CHD7: variants seen among roughly 807,000 people sequenced by gnomAD.
CHD7 encodes ATP-dependent chromatin remodeler CHD7.
Under a neutral mutation model 307.3 loss-of-function variants are expected in CHD7, and 24 were observed. The ratio of observed to expected loss-of-function variants is 0.08; its 90% CI spans 0.06 to 0.11. The LOEUF (loss-of-function observed/expected upper bound fraction) is 0.11. Ranked by LOEUF, CHD7 falls within the 10% of genes least tolerant of loss-of-function variation. The pLI, the probability that CHD7 is intolerant of heterozygous loss-of-function variation, is 1.00. For synonymous variants in CHD7, 1,363 were observed against 1,349.9 expected, an observed-to-expected ratio of 1.01 and a Z score of -0.21; for missense variants, 3,106 against 3,727.1, an observed-to-expected ratio of 0.83 and a Z score of 4.34.
chr8:60,746,590 A>G (rs920679335), intron 2 of CHD7, among the ~76,000 whole-genome samples: 2 of 152,246 alleles, frequency 1.3e-5, no homozygotes, highest in African/African-American at 4.8e-5. Context: ...TGAAAATATC[A>G]CTTTCAGGTA....
At chr8:60,863,714 C>G (rs1043596568) in intron 37 of CHD7, 1 of 150,046 alleles carries the variant, frequency 6.7e-6, no homozygotes, top group Admixed American at 6.7e-5. Context: ...TATAATTTTT[C>G]TCCCATACAA....
intron 1 of CHD7, among the ~76,000 whole-genome samples, chr8:60,683,677 C>T (rs1236763017): frequency 1.3e-5 from 2 of 152,230 alleles, no homozygotes; most frequent in Non-Finnish European, 2.9e-5. Flanking sequence ...CTGCCTCTGA[C>T]TGGCCACCCA....
Position 60,852,217 on chromosome 8 carries a change from G to T in CHD7, c.5864G>T (p.Arg1955Met). Residue 1955 changes from arginine to methionine, a missense_variant, in exon 29 of 38, where the codon AGG becomes ATG. Physicochemically the swap from Arg to Met is moderately conservative, Grantham distance 91. Coordinates refer to ENST00000423902, the MANE Select transcript of CHD7 (RefSeq NM_017780.4). ...GAAGTGAGAGCTCTGGAAGCGGAAA[G>T]GGAAGCTATTATATCTGAGAAGCGG... ...REEVRALEAEREAIISEKRQK... is the reference protein window; with the variant it reads ...REEVRALEAEMEAIISEKRQK... 6.2e-7 allele frequency: 1 copy of T among 1,613,544 alleles called. No homozygotes were observed. Among genetic ancestry groups the T allele is most frequent in the South Asian group, 1.1e-5 (1 of 91,036 alleles).
chr8:60,762,647 G>A (rs1810271298), intron 2 of CHD7, among the ~76,000 whole-genome samples: 1 of 152,154 alleles, frequency 6.6e-6, no homozygotes, highest in African/African-American at 2.4e-5. Context: ...TGCTATCGAT[G>A]CCACATTATT....
At chr8:60,696,483 G>T (rs1806475904) in intron 1 of CHD7, among the ~76,000 whole-genome samples, 1 of 152,198 alleles carries the variant, frequency 6.6e-6, no homozygotes, top group Non-Finnish European at 1.5e-5. Context: ...CTTCAGCTGT[G>T]ACATGGGAGC....
At chr8:60,743,952 A>G (rs7011801) in intron 2 of CHD7, among the ~76,000 whole-genome samples, 1 of 152,066 alleles carries the variant, frequency 6.6e-6, no homozygotes, top group Non-Finnish European at 1.5e-5. Context: ...TTTTAGAGCT[A>G]TAAAGCATAG....
At chr8:60,851,647 T>C (rs1370806200) in intron 28 of CHD7, among the ~76,000 whole-genome samples, 1 of 152,246 alleles carries the variant, frequency 6.6e-6, no homozygotes, top group Non-Finnish European at 1.5e-5. Flanking sequence ...ATTTTCAGTT[T>C]ATTTAGAATA....
intron 1 of CHD7, among the ~76,000 whole-genome samples, chr8:60,702,281 A>G (rs1806802757): frequency 1.3e-5 from 2 of 152,230 alleles, no homozygotes; most frequent in Non-Finnish European, 2.9e-5. Context: ...CTACTTTAAT[A>G]CTAATTTTCT....
In CHD7 at chr8:60,838,235, A is replaced by G. The variant is rs1465532061; in HGVS notation, c.4513A>G (p.Lys1505Glu). ...THTITIESEG[K>E]GSTFAKASFV... The stretch of plus-strand genomic sequence containing the variant: ...CACCATTACCATTGAGTCAGAAGGG[A>G]AAGGTTCCACATTTGCTAAGGTGTG... The change falls in exon 19 of 38, where the codon AAA becomes GAA. Residue 1505 changes from lysine (K) to glutamate (E), a missense_variant. By Grantham distance (56) the Lys-to-Glu change is moderately conservative. Coordinates refer to ENST00000423902, the MANE Select transcript of CHD7 (RefSeq NM_017780.4). 1 of 1,604,120 alleles carries G rather than the reference A, an allele frequency of 6.2e-7. No individual in the cohort carries two copies. The highest frequency in any genetic ancestry group is 2.2e-5 in the East Asian group (1 of 44,656).
intron 6 of CHD7, among the ~76,000 whole-genome samples, chr8:60,805,359 G>A (rs1050119322): frequency 6.6e-6 from 1 of 152,208 alleles, no homozygotes. Context: ...TCCAATATGT[G>A]TGGTCCATTA....
intron 19 of CHD7, 83 bp from the exon 20 acceptor site, chr8:60,841,561 A>G (rs1586425845): frequency 9.7e-7 from 1 of 1,028,256 alleles, no homozygotes; most frequent in East Asian, 2.4e-5. Flanking sequence ...ACAATATCGG[A>G]GCAAATACAT....
intron 1 of CHD7, among the ~76,000 whole-genome samples, chr8:60,685,449 T>G (rs1352502333): frequency 2.0e-5 from 3 of 152,294 alleles, no homozygotes; most frequent in African/African-American, 7.2e-5. Flanking sequence ...CTTCTGTATG[T>G]CCCCTTACGG....
intron 3 of CHD7, 71 bp downstream of exon 3, chr8:60,781,501 C>G: frequency 6.9e-7 from 1 of 1,452,812 alleles, no homozygotes; most frequent in Non-Finnish European, 9.1e-7. Flanking sequence ...TAGTTACAGC[C>G]TATGAAATGA....
chr8:60,775,590 C>T (rs1810913020), intron 2 of CHD7, among the ~76,000 whole-genome samples: 1 of 152,152 alleles, frequency 6.6e-6, no homozygotes, highest in African/African-American at 2.4e-5. Context: ...TCAGTATAAT[C>T]AAAAGTATAT....
At chr8:60,758,062 A>T (rs984624492) in intron 2 of CHD7, among the ~76,000 whole-genome samples, 4 of 152,234 alleles carry the variant, frequency 2.6e-5, no homozygotes, top group Non-Finnish European at 5.9e-5. Flanking sequence ...TAGGAAATTT[A>T]AAAAATACAT....
intron 34 of CHD7, among the ~76,000 whole-genome samples, chr8:60,858,434 C>T (rs1052886132): frequency 6.6e-6 from 1 of 152,184 alleles, no homozygotes. Flanking sequence ...GTATGGCCCT[C>T]AGACAGAGTT....
intron 1 of CHD7, among the ~76,000 whole-genome samples, chr8:60,696,116 G>A (rs1417870149): frequency 6.6e-6 from 1 of 152,200 alleles, no homozygotes; most frequent in Non-Finnish European, 1.5e-5. Flanking sequence ...TTTGAAAAAT[G>A]TGAAGCTTGA....
In CHD7 at chr8:60,861,038, G is replaced by A. The variant is rs779571840; in HGVS notation, c.7743G>A (p.Val2581=). The A allele has an allele frequency of 1.2e-5, 19 of 1,613,972 alleles. No homozygotes were observed. The highest frequency in any genetic ancestry group is 1.5e-5 in the Non-Finnish European group (18 of 1,179,882). Residue 2581 remains valine, a synonymous_variant, in exon 35 of 38, where the codon GTG becomes GTA. Transcript: ENST00000423902. ...ATCTTGAAGATGGGACTAGGCTGGTGGGGGAAGATGCTCCTAAAAATAAGG... is the reference window on the plus strand; with the variant it reads ...ATCTTGAAGATGGGACTAGGCTGGTAGGGGAAGATGCTCCTAAAAATAAGG... The part of the protein sequence containing the change: ...VINLEDGTRL[V]GEDAPKNKDL...
At chr8:60,705,726 G>A (rs988142322) in intron 1 of CHD7, among the ~76,000 whole-genome samples, 1 of 152,144 alleles carries the variant, frequency 6.6e-6, no homozygotes, top group Non-Finnish European at 1.5e-5. Context: ...TGTACTTTGA[G>A]ATTTAAAAAT....
Sources: allele counts gnomAD v4.1 joint callset (sites outside exome capture counted in the v4.1 genomes callset), GRCh38; gene constraint gnomAD v4.1.1; transcripts MANE v1.5; gene names NCBI Gene and HGNC (gene_info 2026-07-23, HGNC 2026-07-21).